The following HS6ST2 variants were observed in gnomAD, a reference collection of about 807,000 sequenced individuals.
HS6ST2 encodes the protein heparan sulfate 6-O-sulfotransferase 2.
A neutral mutation model predicts 33.0 loss-of-function variants in HS6ST2; 17 were observed. The observed-to-expected ratio is 0.52, with a 90% CI of 0.35 to 0.77. The LOEUF (loss-of-function observed/expected upper bound fraction) is 0.77, where lower values mean the gene tolerates loss of function less well. HS6ST2 is among the 30% of genes least tolerant of loss of function. HS6ST2 has a pLI of 0.01. For synonymous variants in HS6ST2, 248 were observed against 237.1 expected (o/e 1.05, Z -0.42); for missense variants, 519 against 551.7 (o/e 0.94, Z 0.59).
At chrX:132,899,883 C>A (rs1364996511) in intron 2 of HS6ST2, among the ~76,000 whole-genome samples, 1 of 110,288 alleles carries the variant, frequency 9.1e-6, no homozygotes, top group Non-Finnish European at 1.9e-5. Context: ...AGAAGCTATG[C>A]AAACCAAAAA....
chrX:132,926,130 A>G lies in HS6ST2; in HGVS notation c.947+30678T>C, dbSNP rs773984987. Among the ~76,000 whole-genome samples the G allele has an allele frequency of 5.3e-5, 6 of 112,811 alleles. 1 individual carries two copies. Among genetic ancestry groups the G allele is most frequent in the Non-Finnish European group, 7.5e-5 (4 of 53,408 alleles). On this transcript the variant is annotated intron_variant, in intron 2 of 4. Transcript: ENST00000370833. ...CACAATATTAAATTTTTTACTCTAA[A>G]ATTGTCACTCTCACTTCTCCACGAA...
chrX:132,858,910 T>C (rs901245812), intron 2 of HS6ST2, among the ~76,000 whole-genome samples: 1 of 112,329 alleles, frequency 8.9e-6, no homozygotes, highest in Non-Finnish European at 1.9e-5. Flanking sequence ...ATGGCCTCAC[T>C]CCAGAGCACA....
At position 132,783,027 on chromosome X, in the gene HS6ST2, A is replaced by G. The variant is rs1054993031; in HGVS notation, c.948-74533T>C. Among the ~76,000 whole-genome samples the G allele has an allele frequency of 2.7e-5, 3 of 111,808 alleles. No homozygotes were observed. The Admixed American group carries it at 2.9e-4, about 11-fold the overall frequency. Reference sequence around the variant, plus strand: ...TCCTTTTAAAAAGACATAGGGGAAGAGGGTCATGAGAGGTGAAGTAAAAGA... The same window carrying G: ...TCCTTTTAAAAAGACATAGGGGAAGGGGGTCATGAGAGGTGAAGTAAAAGA... On this transcript the variant is annotated intron_variant, in intron 2 of 4. Coordinates refer to ENST00000370833, the MANE Select transcript of HS6ST2 (RefSeq NM_001394073.1).
chrX:132,926,252 A>G (rs2066709269), intron 2 of HS6ST2, among the ~76,000 whole-genome samples: 1 of 112,692 alleles, frequency 8.9e-6, no homozygotes, highest in South Asian at 3.7e-4. Flanking sequence ...TTTCCGGTGT[A>G]CACACTTCAT....
intron 2 of HS6ST2, among the ~76,000 whole-genome samples, chrX:132,780,473 A>C (rs983981421): frequency 1.8e-5 from 2 of 110,965 alleles, no homozygotes; most frequent in Non-Finnish European, 3.8e-5. Flanking sequence ...ATTCCATGAG[A>C]TAGACACTAG....
chrX:132,917,900 T>C (rs1467525116), intron 2 of HS6ST2, among the ~76,000 whole-genome samples: 12 of 112,035 alleles, frequency 1.1e-4, no homozygotes, highest in African/African-American at 3.6e-4. Flanking sequence ...TTAGCTGCAG[T>C]GTGGTTAATA....
intron 2 of HS6ST2, among the ~76,000 whole-genome samples, chrX:132,797,107 G>A (rs1350424575): frequency 9.0e-6 from 1 of 111,102 alleles, no homozygotes; most frequent in African/African-American, 3.3e-5. Flanking sequence ...ACTGAAGCGG[G>A]GTATTGGGCT....
At chrX:132,729,623 T>C (rs776178805) in intron 2 of HS6ST2, among the ~76,000 whole-genome samples, 1 of 112,117 alleles carries the variant, frequency 8.9e-6, no homozygotes, top group Non-Finnish European at 1.9e-5. Context: ...GAGCCAGATA[T>C]CAAAGACATT....
chrX:132,873,239 T>C (rs2066081316), intron 2 of HS6ST2, among the ~76,000 whole-genome samples: 1 of 111,723 alleles, frequency 9.0e-6, no homozygotes, highest in Non-Finnish European at 1.9e-5. Context: ...CTCACTCCTT[T>C]TCTACTATAT....
chrX:132,829,324 A>G (rs1165782594), intron 2 of HS6ST2, among the ~76,000 whole-genome samples: 1 of 106,398 alleles, frequency 9.4e-6, no homozygotes, highest in Non-Finnish European at 1.9e-5. Flanking sequence ...AAATATATAA[A>G]TCATATGTGA....
chrX:132,656,753 T>G (rs1465912751), intron 4 of HS6ST2, among the ~76,000 whole-genome samples: 1 of 112,041 alleles, frequency 8.9e-6, no homozygotes, highest in Non-Finnish European at 1.9e-5. Context: ...TCCCAATATG[T>G]AAAACAGATT....
chrX:132,923,733 G>A (rs953237517), intron 2 of HS6ST2, among the ~76,000 whole-genome samples: 1 of 110,902 alleles, frequency 9.0e-6, no homozygotes, highest in African/African-American at 3.3e-5. Context: ...AGCATTTTAG[G>A]GGCTTTGTCT....
At chrX:132,717,035 C>T (rs950302340) in intron 2 of HS6ST2, among the ~76,000 whole-genome samples, 8 of 112,606 alleles carry the variant, frequency 7.1e-5, no homozygotes, top group Admixed American at 4.7e-4. Context: ...ACACAGAGAA[C>T]GAAAAACTCC....
chrX:132,851,573 G>T (rs1046235198), intron 2 of HS6ST2, among the ~76,000 whole-genome samples: 4 of 112,318 alleles, frequency 3.6e-5, no homozygotes, highest in Non-Finnish European at 7.5e-5. Context: ...GTTAATGTGG[G>T]CAATGGAAAC....
At chrX:132,752,363 T>C (rs1276099907) in intron 2 of HS6ST2, among the ~76,000 whole-genome samples, 1 of 108,922 alleles carries the variant, frequency 9.2e-6, no homozygotes, top group African/African-American at 3.4e-5. Flanking sequence ...TCACAACTAC[T>C]TGGGTGACTG....
chrX:132,693,014 A>G (rs984206799), intron 3 of HS6ST2, among the ~76,000 whole-genome samples: 3 of 111,831 alleles, frequency 2.7e-5, no homozygotes, highest in Non-Finnish European at 3.8e-5. Context: ...GTAACAGAAA[A>G]ATCCTCTTTT....
intron 4 of HS6ST2, among the ~76,000 whole-genome samples, chrX:132,656,820 C>T (rs775000298): frequency 5.4e-5 from 6 of 111,725 alleles, no homozygotes; most frequent in Non-Finnish European, 1.1e-4. Flanking sequence ...ATCTATTTAC[C>T]ACTCCAGACT....
intron 3 of HS6ST2, among the ~76,000 whole-genome samples, chrX:132,680,871 T>A (rs2063964440): frequency 1.8e-5 from 2 of 110,526 alleles, no homozygotes; most frequent in South Asian, 7.9e-4. Context: ...TGGTGGTGGG[T>A]GCCTGTATTC....
intron 2 of HS6ST2, among the ~76,000 whole-genome samples, chrX:132,901,852 A>C (rs1569502702): frequency 9.0e-6 from 1 of 111,536 alleles, no homozygotes; most frequent in East Asian, 2.8e-4. Context: ...AGATATGTTG[A>C]GGGGAAAAGT....
Sources: allele counts gnomAD v4.1 joint callset (sites outside exome capture counted in the v4.1 genomes callset), GRCh38; gene constraint gnomAD v4.1.1; transcripts MANE v1.5; gene names NCBI Gene and HGNC (gene_info 2026-07-23, HGNC 2026-07-21).